The following RORA variants were observed in gnomAD, a reference collection of about 807,000 sequenced individuals.
The protein encoded by RORA is RAR related orphan receptor A, also known as nuclear receptor ROR-alpha.
In RORA, 7 loss-of-function variants were observed where a neutral mutation model predicts 69.5. That is an observed-to-expected ratio of 0.10 (90% CI 0.06 to 0.19). The LOEUF (loss-of-function observed/expected upper bound fraction) is 0.19, where lower values mean the gene tolerates loss of function less well. RORA is among the 10% of genes least tolerant of loss of function. The pLI, the probability that RORA is intolerant of heterozygous loss-of-function variation, is 1.00. For synonymous variants in RORA, 261 were observed against 240.8 expected, an observed-to-expected ratio of 1.08 and a Z score of -0.78; for missense variants, 457 against 663.0, an observed-to-expected ratio of 0.69 and a Z score of 3.41.
intron 1 of RORA, among the ~76,000 whole-genome samples, chr15:61,110,255 G>A (rs2078991781): frequency 6.6e-6 from 1 of 152,130 alleles, no homozygotes; most frequent in Non-Finnish European, 1.5e-5. Flanking sequence ...AATTAGCGGG[G>A]CATGGTGGTG....
chr15:60,720,906 A>C (rs1173384438), intron 1 of RORA, among the ~76,000 whole-genome samples: 1 of 152,140 alleles, frequency 6.6e-6, no homozygotes, highest in Non-Finnish European at 1.5e-5. Context: ...TTTCAAGCAC[A>C]ATGTAACCAA....
intron 1 of RORA, among the ~76,000 whole-genome samples, chr15:60,683,745 T>G (rs2070694550): frequency 6.6e-6 from 1 of 151,954 alleles, no homozygotes; most frequent in African/African-American, 2.4e-5. Context: ...TGACAGAAGT[T>G]TTAAATTGCC....
intron 2 of RORA, among the ~76,000 whole-genome samples, chr15:60,583,405 T>C (rs1165241043): frequency 6.6e-6 from 1 of 152,234 alleles, no homozygotes; most frequent in African/African-American, 2.4e-5. Context: ...CTGTTTCCAC[T>C]GAGTTGGCCT....
At chr15:60,700,724 T>C (rs1464596548) in intron 1 of RORA, among the ~76,000 whole-genome samples, 1 of 152,250 alleles carries the variant, frequency 6.6e-6, no homozygotes, top group Non-Finnish European at 1.5e-5. Context: ...TCCATGTTTT[T>C]AAAGACCTCC....
intron 1 of RORA, among the ~76,000 whole-genome samples, chr15:60,813,993 A>G (rs1386182004): frequency 1.3e-5 from 2 of 152,140 alleles, no homozygotes; most frequent in Non-Finnish European, 2.9e-5. Context: ...ATAACATATA[A>G]TCTATTTGGA....
At position 60,520,996 on chromosome 15, in the gene RORA, A is replaced by G. The variant is rs1168118687; in HGVS notation, c.283-6239T>C. Among the ~76,000 whole-genome samples the G allele has an allele frequency of 2.6e-5, 4 of 152,274 alleles. No individual in the cohort carries two copies. In the South Asian group the frequency reaches 8.3e-4, roughly 32 times the overall value. On this transcript the variant is annotated intron_variant, in intron 3 of 10. Transcript: ENST00000335670. ...CAGCAGATTACCATGCAGCTATTGC[A>G]AATAGAAAATTAGAATAAAACAAAC...
At chr15:60,766,036 T>C (rs2071984083) in intron 1 of RORA, among the ~76,000 whole-genome samples, 1 of 152,208 alleles carries the variant, frequency 6.6e-6, no homozygotes, top group Non-Finnish European at 1.5e-5. Flanking sequence ...TTTTAATGAA[T>C]GGCTTCTAAA....
At chr15:60,519,203 C>T (rs1274753459) in intron 3 of RORA, among the ~76,000 whole-genome samples, 1 of 152,098 alleles carries the variant, frequency 6.6e-6, no homozygotes, top group Non-Finnish European at 1.5e-5. Context: ...CAGTCATTTC[C>T]AGATCTGTGT....
chr15:61,014,110 T>C (rs1038548091), intron 1 of RORA, among the ~76,000 whole-genome samples: 8 of 152,194 alleles, frequency 5.3e-5, no homozygotes, highest in African/African-American at 1.9e-4. Context: ...AACAGCTCTG[T>C]AATGAAGTAC....
chr15:61,043,848 G>A (rs1896900403), intron 1 of RORA, among the ~76,000 whole-genome samples: 1 of 152,052 alleles, frequency 6.6e-6, no homozygotes, highest in Non-Finnish European at 1.5e-5. Flanking sequence ...TACGACAGGT[G>A]GTGACTCTTA....
chr15:60,810,787 T>C (rs2072733090), intron 1 of RORA, among the ~76,000 whole-genome samples: 1 of 152,046 alleles, frequency 6.6e-6, no homozygotes, highest in East Asian at 1.9e-4. Flanking sequence ...TATCTCACAT[T>C]ATATGCTTTC....
At chr15:60,586,481 T>C (rs1022550661) in intron 2 of RORA, among the ~76,000 whole-genome samples, 5 of 152,232 alleles carry the variant, frequency 3.3e-5, no homozygotes, top group African/African-American at 1.2e-4. Flanking sequence ...TGCGTGTGCA[T>C]GTGTGTGTTA....
chr15:60,528,933 T>A (rs1567063114), intron 3 of RORA: 1 of 152,134 alleles, frequency 6.6e-6, no homozygotes, highest in African/African-American at 2.4e-5. Context: ...AGCAGAAGCA[T>A]GGCACCTGCT....
chr15:61,031,301 C>T (rs1055795598), intron 1 of RORA, among the ~76,000 whole-genome samples: 1 of 152,102 alleles, frequency 6.6e-6, no homozygotes, highest in African/African-American at 2.4e-5. Context: ...GTGAAGGATG[C>T]CTTTATTTCA....
chr15:61,033,561 C>G (rs1459378420), intron 1 of RORA, among the ~76,000 whole-genome samples: 1 of 152,114 alleles, frequency 6.6e-6, no homozygotes, highest in East Asian at 1.9e-4. Context: ...ATAGTAGCTC[C>G]ATATAAATAA....
At chr15:60,655,632 G>A (rs977773021) in intron 2 of RORA, among the ~76,000 whole-genome samples, 5 of 152,120 alleles carry the variant, frequency 3.3e-5, no homozygotes, top group African/African-American at 9.7e-5. Flanking sequence ...TTCTCCTAAA[G>A]CTTCCTACAG....
intron 1 of RORA, among the ~76,000 whole-genome samples, chr15:61,204,719 G>A (rs996991084): frequency 6.6e-6 from 1 of 152,262 alleles, no homozygotes; most frequent in African/African-American, 2.4e-5. Flanking sequence ...AGGGAAAAGA[G>A]CACTTCCTCA....
At chr15:60,892,118 AT>A (rs879301544) in intron 1 of RORA, among the ~76,000 whole-genome samples, 1 of 152,186 alleles carries the variant, frequency 6.6e-6, no homozygotes, top group Non-Finnish European at 1.5e-5. Context: ...GATGCCTGCC[AT>A]TTAAGGGTGT....
intron 1 of RORA, among the ~76,000 whole-genome samples, chr15:60,954,355 G>A (rs1309724015): frequency 6.7e-6 from 1 of 149,286 alleles, no homozygotes; most frequent in Non-Finnish European, 1.5e-5. Flanking sequence ...TGACGAGTTA[G>A]TGGGTGCAGC....
Sources: gnomAD v4.1 joint callset for allele counts (sites outside exome capture counted in the v4.1 genomes callset) on GRCh38, gnomAD v4.1.1 for gene constraint, MANE v1.5 for transcripts, NCBI Gene and HGNC (gene_info 2026-07-23, HGNC 2026-07-21) for gene names.